MAN2A1: variants seen among roughly 807,000 people sequenced by gnomAD.
MAN2A1 encodes the protein mannosidase alpha class 2A member 1, also known as alpha-mannosidase 2.
A neutral mutation model predicts 142.6 loss-of-function variants in MAN2A1; 76 were observed. That is an observed-to-expected ratio of 0.53 (90% CI 0.44 to 0.65). The LOEUF is 0.65. MAN2A1 is among the 30% of genes least tolerant of loss of function. The probability of loss-of-function intolerance (pLI) is 0.00; values close to 1 mark genes in which losing one functional copy is unlikely to be tolerated. For synonymous variants in MAN2A1, 559 were observed against 473.2 expected (o/e 1.18, Z -2.35); for missense variants, 1,311 against 1,365.1 (o/e 0.96, Z 0.62).
At chr5:109,742,291 G>T (rs920395159) in intron 4 of MAN2A1, among the ~76,000 whole-genome samples, 1 of 152,190 alleles carries the variant, frequency 6.6e-6, no homozygotes, top group South Asian at 2.1e-4. Flanking sequence ...GTTTCTCTTT[G>T]TGGATCTTTT....
chr5:109,770,573 C>T (rs752322189), intron 7 of MAN2A1, 32 bp downstream of exon 7: 1 of 1,595,268 alleles, frequency 6.3e-7, no homozygotes, highest in East Asian at 2.2e-5. Flanking sequence ...AAGACAACAT[C>T]TTGAATAAAG....
At chr5:109,734,038 G>T (rs1314784076) in intron 4 of MAN2A1, among the ~76,000 whole-genome samples, 1 of 152,088 alleles carries the variant, frequency 6.6e-6, no homozygotes, top group African/African-American at 2.4e-5. Context: ...CACAATTTCA[G>T]CTCCTGTTAT....
At chr5:109,706,303 A>G (rs1751129108) in intron 1 of MAN2A1, among the ~76,000 whole-genome samples, 1 of 152,196 alleles carries the variant, frequency 6.6e-6, no homozygotes, top group Non-Finnish European at 1.5e-5. Context: ...TATGACACAT[A>G]CTATCTGGAG....
At chr5:109,849,809 A>G (rs994837739) in intron 19 of MAN2A1, among the ~76,000 whole-genome samples, 2 of 151,492 alleles carry the variant, frequency 1.3e-5, no homozygotes, top group African/African-American at 2.4e-5. Flanking sequence ...ATTTCTTACC[A>G]CGGCCTCCAG....
chr5:109,752,605 C>T (rs929778560), intron 4 of MAN2A1, among the ~76,000 whole-genome samples: 9 of 151,932 alleles, frequency 5.9e-5, no homozygotes, highest in African/African-American at 1.7e-4. Context: ...ATGGGGGGTA[C>T]AGTGGGAGTG....
chr5:109,715,154 C>T (rs936528538), intron 2 of MAN2A1, among the ~76,000 whole-genome samples: 1 of 151,896 alleles, frequency 6.6e-6, no homozygotes, highest in African/African-American at 2.4e-5. Context: ...TCCTCCTGCC[C>T]AGCTTGTTTC....
chr5:109,730,724 T>C (rs1751879987), intron 4 of MAN2A1, among the ~76,000 whole-genome samples: 1 of 152,156 alleles, frequency 6.6e-6, no homozygotes, highest in Non-Finnish European at 1.5e-5. Context: ...TAACTAATAA[T>C]CTTCTAAACA....
At chr5:109,841,395 G>A (rs1448649470) in intron 16 of MAN2A1, among the ~76,000 whole-genome samples, 1 of 152,154 alleles carries the variant, frequency 6.6e-6, no homozygotes, top group African/African-American at 2.4e-5. Flanking sequence ...AACATACAGT[G>A]TTTGGTTTTC....
At chr5:109,850,774 C>T (rs1324762420) in intron 19 of MAN2A1, among the ~76,000 whole-genome samples, 1 of 152,150 alleles carries the variant, frequency 6.6e-6, no homozygotes, top group South Asian at 2.1e-4. Flanking sequence ...TTCAGAACTC[C>T]TTGGATAGTA....
intron 12 of MAN2A1, among the ~76,000 whole-genome samples, chr5:109,812,377 G>A (rs138255031): frequency 1.3e-5 from 2 of 151,932 alleles, no homozygotes; most frequent in African/African-American, 2.4e-5. Flanking sequence ...TTAAGGTCTT[G>A]AATTTTTTCC....
rs143892651 is a variant in MAN2A1, at chr5:109,774,835, G to A, written c.1244G>A (p.Arg415His). The A allele has an allele frequency of 2.3e-4, 366 of 1,611,546 alleles. 1 individual carries two copies. The African/African-American group carries it at 3.6e-3, about 16-fold the overall frequency. Residue 415 changes from arginine to histidine, a missense_variant, in exon 8 of 22, where the codon CGT (arginine) becomes CAT (histidine). Arg to His is a conservative substitution (Grantham distance 29, BLOSUM62 0). Around this residue, in one of 3 missense-constraint regions of MAN2A1, gnomAD observed 890 missense variants for 920.5 expected, o/e 0.97. Transcript: ENST00000261483. ...DQYRKKSKLF[R>H]TKVLLAPLGD... ...TACCGAAAGAAGTCAAAGCTTTTTC[G>A]TACCAAAGTTCTCCTGGCTCCACTA...
At chr5:109,829,346 G>T (rs1017912714) in intron 16 of MAN2A1, among the ~76,000 whole-genome samples, 3 of 152,176 alleles carry the variant, frequency 2.0e-5, no homozygotes, top group Non-Finnish European at 4.4e-5. Flanking sequence ...GAATGAGCAG[G>T]AGCATTATGG....
intron 12 of MAN2A1, among the ~76,000 whole-genome samples, chr5:109,811,503 T>G (rs1754316545): frequency 6.6e-6 from 1 of 152,116 alleles, no homozygotes; most frequent in Non-Finnish European, 1.5e-5. Context: ...TTATACATTC[T>G]GCTCATTTTG....
chr5:109,778,406 G>A (rs1322939280), intron 8 of MAN2A1, among the ~76,000 whole-genome samples: 1 of 151,984 alleles, frequency 6.6e-6, no homozygotes, highest in Non-Finnish European at 1.5e-5. Context: ...ATAATGTTGA[G>A]TAGGCGTGGT....
intron 16 of MAN2A1, 92 bp from the exon 17 acceptor site, chr5:109,842,235 TG>T: frequency 1.4e-6 from 1 of 714,308 alleles, no homozygotes; most frequent in Non-Finnish European, 2.2e-6. Context: ...AACAAGAAAA[TG>T]TAACTTTGGA....
At chr5:109,702,315 T>TTGTGTGTGTGTGTGTGTGTG (rs34048618) in intron 1 of MAN2A1, among the ~76,000 whole-genome samples, 4 of 144,034 alleles carry the variant, frequency 2.8e-5, no homozygotes, top group African/African-American at 7.8e-5. Flanking sequence ...AGAACATAAA[T>TTGTGTGTGTGTGTGTGTGTG]TGTGTGTGTG....
intron 4 of MAN2A1, among the ~76,000 whole-genome samples, chr5:109,742,781 T>C (rs1752303940): frequency 6.6e-6 from 1 of 152,236 alleles, no homozygotes; most frequent in Admixed American, 6.5e-5. Flanking sequence ...TATTTAGCAT[T>C]TCATCAAAGC....
chr5:109,807,504 A>G (rs1451756162), intron 12 of MAN2A1, among the ~76,000 whole-genome samples: 1 of 151,946 alleles, frequency 6.6e-6, no homozygotes, highest in Non-Finnish European at 1.5e-5. Context: ...CTGAGGGGAG[A>G]ATCATTTCTT....
intron 19 of MAN2A1, 171 bp from the exon 20 acceptor site, chr5:109,854,969 T>C (rs972002173): frequency 1.4e-5 from 6 of 424,408 alleles, no homozygotes; most frequent in Admixed American, 4.3e-5. Context: ...CTTTTATTGC[T>C]TACAACTAAA....
Sources: gnomAD v4.1 joint callset for allele counts (sites outside exome capture counted in the v4.1 genomes callset) on GRCh38, gnomAD v4.1.1 for gene constraint, gnomAD v4.1.1 regional missense constraint, MANE v1.5 for transcripts, NCBI Gene and HGNC (gene_info 2026-07-23, HGNC 2026-07-21) for gene names.